Variants in PRUNE2 observed in about 807,000 individuals in gnomAD.
The protein encoded by PRUNE2 is prune homolog 2 with BCH domain, also known as protein prune homolog 2.
PRUNE2 carries 164 observed loss-of-function variants against 252.0 expected under a neutral mutation model. The observed-to-expected ratio is 0.65, with a 90% CI of 0.57 to 0.74. The LOEUF is 0.74. Ranked by LOEUF, PRUNE2 falls within the 30% of genes least tolerant of loss-of-function variation. The pLI is 0.00. For synonymous variants in PRUNE2, 1,292 were observed against 1,350.2 expected (o/e 0.96, Z 0.94); for missense variants, 3,495 against 3,711.0 (o/e 0.94, Z 1.51).
intron 6 of PRUNE2, among the ~76,000 whole-genome samples, chr9:76,728,502 A>G (rs2048311355): frequency 6.6e-6 from 1 of 152,222 alleles, no homozygotes; most frequent in South Asian, 2.1e-4. Flanking sequence ...GTATTGACAT[A>G]AAGAAATATT....
Position 76,850,541 on chromosome 9 carries a change from C to G in PRUNE2, c.266G>C (p.Arg89Pro), listed in dbSNP as rs775774530. 5.0e-6 allele frequency: 8 copies of G among 1,613,654 alleles called. No individual in the cohort carries two copies. The South Asian group carries it at 8.8e-5, about 18-fold the overall frequency. Reference protein sequence around the residue: ...LNISESFHIFRDEINLHQLND... With the variant: ...LNISESFHIFPDEINLHQLND... ...TAGCTGATGCAGGTTAATTTCATCC[C>G]GGAATATGTGGAATGATTCGGAAAT... The change falls in exon 3 of 19, where the codon CGG becomes CCG. Residue 89 changes from arginine (R) to proline (P), a missense_variant. By Grantham distance (103) the Arg-to-Pro change is moderately radical. Transcript: ENST00000376718.
chr9:76,637,021 G>C (rs1041089354), intron 14 of PRUNE2, among the ~76,000 whole-genome samples: 1 of 132,008 alleles, frequency 7.6e-6, no homozygotes, highest in African/African-American at 2.7e-5. Context: ...ATAATTTTAG[G>C]GAGTTCTATG....
intron 6 of PRUNE2, among the ~76,000 whole-genome samples, chr9:76,761,085 CAAA>C (rs34127776): frequency 3.2e-5 from 3 of 93,678 alleles, no homozygotes; most frequent in Non-Finnish European, 2.1e-5. Flanking sequence ...GACTCTGTCT[CAAA>C]AAAAAAAAAA....
intron 1 of PRUNE2, among the ~76,000 whole-genome samples, chr9:76,881,345 T>C (rs139201980): frequency 6.6e-6 from 1 of 152,278 alleles, no homozygotes; most frequent in Admixed American, 6.5e-5. Flanking sequence ...ATAATAAAAA[T>C]GCCATGCATG....
At chr9:76,696,080 C>T (rs2045354205) in intron 9 of PRUNE2, among the ~76,000 whole-genome samples, 2 of 152,212 alleles carry the variant, frequency 1.3e-5, no homozygotes, top group Admixed American at 6.5e-5. Context: ...ACAGCAGTAC[C>T]CACCCCAGTT....
In PRUNE2 at chr9:76,704,956, C is replaced by T. The variant is rs762977626; in HGVS notation, c.7318G>A (p.Glu2440Lys). The change falls in exon 8 of 19, where the codon GAG becomes AAG. Residue 2440 changes from glutamate (E) to lysine (K), a missense_variant. Glu to Lys is a moderately conservative substitution (Grantham distance 56). Transcript: ENST00000376718. ...VLSALPDRRS[E>K]GNQAETKNRL... ...TTTTTGGTCTCAGCCTGGTTTCCCT[C>T]ACTTCTTCGATCAGGAAGTGCAGAA... The T allele has an allele frequency of 1.2e-6, 2 of 1,613,026 alleles. No homozygotes were observed. Among genetic ancestry groups the T allele is most frequent in the African/African-American group, 1.3e-5 (1 of 74,920 alleles).
chr9:76,768,768 A>G (rs991237589), intron 6 of PRUNE2, among the ~76,000 whole-genome samples: 4 of 152,140 alleles, frequency 2.6e-5, no homozygotes, highest in African/African-American at 9.7e-5. Context: ...AGTAATTGGA[A>G]TCTTCTATGA....
chr9:76,827,626 G>GA (rs2058422185), intron 4 of PRUNE2, among the ~76,000 whole-genome samples: 1 of 152,124 alleles, frequency 6.6e-6, no homozygotes, highest in South Asian at 2.1e-4. Context: ...ATGGGGGAGG[G>GA]AAAATGGAAA....
At chr9:76,742,735 T>G (rs1021514445) in intron 6 of PRUNE2, among the ~76,000 whole-genome samples, 2 of 151,950 alleles carry the variant, frequency 1.3e-5, no homozygotes, top group African/African-American at 4.8e-5. Flanking sequence ...AATGAACATA[T>G]GAAAAAAGGT....
rs370025434 is a variant in PRUNE2, at chr9:76,705,794, G to A, written c.6480C>T (p.Leu2160=). The A allele has an allele frequency of 3.5e-5, 57 of 1,613,610 alleles. No individual in the cohort carries two copies. The highest frequency in any genetic ancestry group is 1.6e-4 in the African/African-American group (12 of 74,880). ...GREFVPSNAE[L]DSENATVLPP... is the part of the protein sequence containing the mutation. ...GCAGCACAGTTGCGTTTTCAGAATC[G>A]AGTTCTGCATTGGATGGGACAAACT... is the stretch of plus-strand genomic sequence containing the variant. The change falls in exon 8 of 19, where the codon CTC becomes CTT. Residue 2160 remains leucine, a synonymous_variant. Coordinates refer to ENST00000376718, the MANE Select transcript of PRUNE2 (RefSeq NM_015225.3).
intron 9 of PRUNE2, among the ~76,000 whole-genome samples, chr9:76,666,554 C>T (rs1044915717): frequency 2.0e-5 from 3 of 152,186 alleles, no homozygotes; most frequent in Non-Finnish European, 2.9e-5. Context: ...TCTGCCTTGG[C>T]TGCCAGGCAG....
At chr9:76,741,138 A>G (rs1451642282) in intron 6 of PRUNE2, among the ~76,000 whole-genome samples, 1 of 152,208 alleles carries the variant, frequency 6.6e-6, no homozygotes, top group Admixed American at 6.5e-5. Context: ...TGGCCTATAA[A>G]TGCACTGTGG....
chr9:76,747,986 C>G (rs775068077), intron 6 of PRUNE2, among the ~76,000 whole-genome samples: 20 of 151,920 alleles, frequency 1.3e-4, no homozygotes, highest in South Asian at 1.2e-3. Flanking sequence ...TTAGTAGAGA[C>G]GGGGTTTCAC....
intron 6 of PRUNE2, among the ~76,000 whole-genome samples, chr9:76,777,503 G>A (rs2053930248): frequency 6.6e-6 from 1 of 152,120 alleles, no homozygotes; most frequent in Non-Finnish European, 1.5e-5. Flanking sequence ...AATTTCAGGG[G>A]CAAGGACTCC....
chr9:76,656,215 T>C (rs111907291), intron 9 of PRUNE2, among the ~76,000 whole-genome samples: 3 of 151,536 alleles, frequency 2.0e-5, no homozygotes, highest in Non-Finnish European at 4.4e-5. Flanking sequence ...CCAAAGGCAA[T>C]TGTGACGAAT....
rs1021977375 is a variant in PRUNE2, at chr9:76,787,990, T to G, written c.756+35642A>C. ...GCCTCGGAACATTCCCTGTCTAGGATGCCTTTTCCCCCTTTCTTCCACCTA... is the reference window on the plus strand; with the variant it reads ...GCCTCGGAACATTCCCTGTCTAGGAGGCCTTTTCCCCCTTTCTTCCACCTA... On this transcript the variant is annotated intron_variant, in intron 6 of 18. Transcript: ENST00000376718. Among the ~76,000 whole-genome samples the G allele has an allele frequency of 1.7e-4, 26 of 152,312 alleles. No homozygotes were observed. The Middle Eastern group carries it at 0.01, about 60-fold the overall frequency.
chr9:76,678,848 AAAAT>A (rs911125489), intron 9 of PRUNE2, among the ~76,000 whole-genome samples: 2 of 152,270 alleles, frequency 1.3e-5, no homozygotes, highest in South Asian at 2.1e-4. Context: ...TAAATAAATA[AAAAT>A]AAATAAATAA....
chr9:76,748,388 G>A (rs2050322209), intron 6 of PRUNE2, among the ~76,000 whole-genome samples: 1 of 152,164 alleles, frequency 6.6e-6, no homozygotes, highest in Admixed American at 6.5e-5. Context: ...AAGACAACCA[G>A]GCCAGCTAAT....
intron 4 of PRUNE2, among the ~76,000 whole-genome samples, chr9:76,842,097 A>G (rs1191478710): frequency 6.6e-6 from 1 of 152,222 alleles, no homozygotes; most frequent in Non-Finnish European, 1.5e-5. Flanking sequence ...AAACTATACT[A>G]CAAGGCTACA....
Sources: allele counts gnomAD v4.1 joint callset (sites outside exome capture counted in the v4.1 genomes callset), GRCh38; gene constraint gnomAD v4.1.1; transcripts MANE v1.5; gene names NCBI Gene and HGNC (gene_info 2026-07-23, HGNC 2026-07-21).